Variants in OTUD7A observed in about 807,000 individuals in gnomAD.
The protein encoded by OTUD7A is OTU deubiquitinase 7A, also known as OTU domain-containing protein 7A.
In OTUD7A, 12 loss-of-function variants were observed where a neutral mutation model predicts 65.7. That is an observed-to-expected ratio of 0.18 (90% CI 0.12 to 0.30). OTUD7A has a LOEUF of 0.30. Among genes scored for constraint, OTUD7A ranks in the 10% least tolerant of loss-of-function variants. The pLI, the probability that OTUD7A is intolerant of heterozygous loss-of-function variation, is 1.00. For missense variants in OTUD7A, 1,148 were observed against 1,304.8 expected (o/e 0.88, Z 1.85); for synonymous variants, 641 against 586.3 (o/e 1.09, Z -1.35).
intron 1 of OTUD7A, among the ~76,000 whole-genome samples, chr15:31,841,369 G>A (rs549743195): frequency 6.6e-6 from 1 of 152,168 alleles, no homozygotes; most frequent in East Asian, 1.9e-4. Flanking sequence ...TGTCCTCAGC[G>A]TCCAAGGCAC....
chr15:31,610,376 T>C (rs1419329656), intron 3 of OTUD7A, among the ~76,000 whole-genome samples: 3 of 151,912 alleles, frequency 2.0e-5, no homozygotes, highest in Admixed American at 1.3e-4. Context: ...AATACTCCAC[T>C]GACAGCGCTA....
At chr15:31,506,701 T>A (rs2041575040) in intron 8 of OTUD7A, among the ~76,000 whole-genome samples, 1 of 152,244 alleles carries the variant, frequency 6.6e-6, no homozygotes, top group Non-Finnish European at 1.5e-5. Context: ...AAGCATTTTT[T>A]AAATGCTTTT....
Position 31,587,410 on chromosome 15 carries a change from G to C in OTUD7A, c.152-17213C>G, listed in dbSNP as rs961954044. On this transcript the variant is annotated intron_variant, in intron 3 of 12. Coordinates refer to ENST00000307050, the MANE Select transcript of OTUD7A (RefSeq NM_001382637.1). Reference sequence around the variant, plus strand: ...CCCAGCACTCTGGGAGGCTGAGGCAGGTGGATCACGAGGTCAGGAGTTCAA... The same window carrying C: ...CCCAGCACTCTGGGAGGCTGAGGCACGTGGATCACGAGGTCAGGAGTTCAA... Among the ~76,000 whole-genome samples the C allele has an allele frequency of 2.6e-5, 4 of 152,050 alleles. No homozygotes were observed. The East Asian group carries it at 7.7e-4, about 29-fold the overall frequency.
At chr15:31,590,584 CTTA>C (rs1428083729) in intron 3 of OTUD7A, among the ~76,000 whole-genome samples, 14 of 152,288 alleles carry the variant, frequency 9.2e-5, no homozygotes, top group South Asian at 4.1e-4. Context: ...ACGAAATTAT[CTTA>C]TTGTTGTATG....
In OTUD7A at chr15:31,751,471, T is replaced by C. The variant is rs539242226; in HGVS notation, c.-99-94394A>G. Among the ~76,000 whole-genome samples, 4 of 152,248 alleles carry C rather than the reference T, an allele frequency of 2.6e-5. No individual in the cohort carries two copies. The South Asian group carries it at 8.3e-4, about 32-fold the overall frequency. ...CACTTACACACTGCATGTGGGAAAGTAGATTAGTTCAGCCACTGCAGAAAG... is the reference window on the plus strand; with the variant it reads ...CACTTACACACTGCATGTGGGAAAGCAGATTAGTTCAGCCACTGCAGAAAG... On this transcript the variant is annotated intron_variant, in intron 1 of 12. Coordinates refer to ENST00000307050, the MANE Select transcript of OTUD7A (RefSeq NM_001382637.1).
intron 1 of OTUD7A, among the ~76,000 whole-genome samples, chr15:31,676,060 GA>G (rs1297494571): frequency 6.6e-6 from 1 of 152,084 alleles, no homozygotes; most frequent in Non-Finnish European, 1.5e-5. Flanking sequence ...CAATTTTGAA[GA>G]AAATAAGTTG....
At chr15:31,857,762 A>C (rs1897614938) in intron 1 of OTUD7A, among the ~76,000 whole-genome samples, 1 of 152,148 alleles carries the variant, frequency 6.6e-6, no homozygotes, top group Non-Finnish European at 1.5e-5. Context: ...GGGTATTACC[A>C]CTTGATTGCT....
intron 8 of OTUD7A, among the ~76,000 whole-genome samples, chr15:31,523,468 C>G (rs2141114045): frequency 6.6e-6 from 1 of 152,320 alleles, no homozygotes; most frequent in Admixed American, 6.5e-5. Context: ...TGGCTCCTCT[C>G]ACTGACTACT....
intron 3 of OTUD7A, among the ~76,000 whole-genome samples, chr15:31,603,836 T>C (rs533828254): frequency 2.6e-5 from 4 of 152,166 alleles, no homozygotes; most frequent in Non-Finnish European, 5.9e-5. Context: ...AACAGACATA[T>C]GAAAAAAAGC....
At chr15:31,613,698 G>T (rs1595656544) in intron 3 of OTUD7A, among the ~76,000 whole-genome samples, 1 of 152,240 alleles carries the variant, frequency 6.6e-6, no homozygotes, top group East Asian at 1.9e-4. Context: ...ACTGCTGGTG[G>T]GAATGTAAAC....
Position 31,484,073 on chromosome 15 carries a change from C to T in OTUD7A, c.2023G>A (p.Glu675Lys). The change falls in exon 13 of 13, where the codon GAG (glutamate) becomes AAG (lysine). Residue 675 changes from glutamate to lysine, a missense_variant. By Grantham distance (56) the Glu-to-Lys change is moderately conservative (BLOSUM62 1). Transcript: ENST00000307050. The surrounding 1 kb of genome is among the most constrained non-coding windows in gnomAD (Gnocchi z 4.5). The stretch of plus-strand genomic sequence containing the variant: ...GCGTCGCGGCGCCGCTGCTCCTGCT[C>T]GGCGCTGAAGCGCTCCTGCGCGCTC... ...LTSAQERFSA[E>K]QEQRRRDAAT... 1.3e-6 allele frequency: 2 copies of T among 1,568,102 alleles called. No individual in the cohort carries two copies. Among genetic ancestry groups the T allele is most frequent in the Middle Eastern group, 1.7e-4 (1 of 5,968 alleles).
At chr15:31,826,942 C>T (rs1896811052) in intron 1 of OTUD7A, among the ~76,000 whole-genome samples, 1 of 152,174 alleles carries the variant, frequency 6.6e-6, no homozygotes, top group African/African-American at 2.4e-5. Context: ...CAGCCTGGAC[C>T]TTATTGTCCA....
chr15:31,859,484 G>C (rs960459806), intron 1 of OTUD7A, among the ~76,000 whole-genome samples: 1 of 152,190 alleles, frequency 6.6e-6, no homozygotes, highest in African/African-American at 2.4e-5. Flanking sequence ...ATTATCATTT[G>C]ATCAAATAGT....
At chr15:31,549,697 GGAAA>G (rs1888256018) in intron 5 of OTUD7A, among the ~76,000 whole-genome samples, 1 of 152,064 alleles carries the variant, frequency 6.6e-6, no homozygotes, top group Non-Finnish European at 1.5e-5. Context: ...GAGGGAAGAG[GGAAA>G]GGGGGAGAGA....
intron 8 of OTUD7A, among the ~76,000 whole-genome samples, chr15:31,510,062 C>T (rs1347154638): frequency 1.6e-4 from 24 of 149,440 alleles, no homozygotes; most frequent in African/African-American, 2.2e-4. Flanking sequence ...TGCATGTATG[C>T]GCTGCCGTCT....
intron 1 of OTUD7A, chr15:31,767,977 T>A: frequency 6.4e-7 from 1 of 1,571,966 alleles, no homozygotes; most frequent in Non-Finnish European, 8.8e-7. Context: ...TCTTAAGAAA[T>A]TTCCTCAACA....
At chr15:31,692,851 C>A (rs1186696315) in intron 1 of OTUD7A, among the ~76,000 whole-genome samples, 1 of 150,056 alleles carries the variant, frequency 6.7e-6, no homozygotes, top group Non-Finnish European at 1.5e-5. Flanking sequence ...GGGGTGTTCA[C>A]TCCACGGACG....
At position 31,632,768 on chromosome 15, in the gene OTUD7A, C is replaced by T. The variant is rs571396185; in HGVS notation, c.151+22328G>A. ...AGGCCTCCTTGAGCTGTGGTGGGCT[C>T]CACCCAGTTCGAGCTTCCCGGCTGC... is the stretch of plus-strand genomic sequence containing the variant. On this transcript the variant is annotated intron_variant, in intron 3 of 12. Coordinates refer to ENST00000307050, the MANE Select transcript of OTUD7A (RefSeq NM_001382637.1). Among the ~76,000 whole-genome samples the T allele has an allele frequency of 2.7e-5, 4 of 148,382 alleles. No individual in the cohort carries two copies. In the East Asian group the frequency reaches 7.9e-4, roughly 29 times the overall value.
intron 1 of OTUD7A, among the ~76,000 whole-genome samples, chr15:31,765,587 G>A (rs1895075153): frequency 6.6e-6 from 1 of 152,138 alleles, no homozygotes; most frequent in African/African-American, 2.4e-5. Context: ...TTTCCTAGGA[G>A]TCTCACATTG....
Sources: allele counts gnomAD v4.1 joint callset (sites outside exome capture counted in the v4.1 genomes callset), GRCh38; gene constraint gnomAD v4.1.1; non-coding constraint Gnocchi (gnomAD v3.1); transcripts MANE v1.5; gene names NCBI Gene and HGNC (gene_info 2026-07-23, HGNC 2026-07-21).